The following PDCD1LG2 variants were observed in gnomAD, a reference collection of about 807,000 sequenced individuals.
The protein encoded by PDCD1LG2 is programmed cell death 1 ligand 2, also known as B7 dendritic cell molecule.
Under a neutral mutation model 28.2 loss-of-function variants are expected in PDCD1LG2, and 32 were observed. That is an observed-to-expected ratio of 1.13 (90% CI 0.86 to 1.52). PDCD1LG2 has a LOEUF of 1.52. Among genes scored for constraint, PDCD1LG2 ranks in the 40% most tolerant of loss-of-function variants. The probability of loss-of-function intolerance (pLI) is 0.00; values close to 1 mark genes in which losing one functional copy is unlikely to be tolerated. For missense variants in PDCD1LG2, 385 were observed against 323.8 expected (o/e 1.19, Z -1.45); for synonymous variants, 116 against 120.2 (o/e 0.97, Z 0.23).
At chr9:5,560,848 G>A (rs1261786423) in intron 5 of PDCD1LG2, among the ~76,000 whole-genome samples, 1 of 152,058 alleles carries the variant, frequency 6.6e-6, no homozygotes, top group African/African-American at 2.4e-5. Flanking sequence ...GCCATTATTG[G>A]TCCATAAAAG....
At chr9:5,537,967 T>A (rs1374671563) in intron 3 of PDCD1LG2, among the ~76,000 whole-genome samples, 1 of 152,178 alleles carries the variant, frequency 6.6e-6, no homozygotes, top group African/African-American at 2.4e-5. Context: ...TAGCTATAAA[T>A]ATTTTGTTGT....
chr9:5,568,381 C>G (rs1816707611), intron 6 of PDCD1LG2, among the ~76,000 whole-genome samples: 1 of 152,112 alleles, frequency 6.6e-6, no homozygotes, highest in Non-Finnish European at 1.5e-5. Context: ...CTCATAGAAG[C>G]GTGAATCCTA....
At chr9:5,540,775 A>T (rs1331495828) in intron 3 of PDCD1LG2, among the ~76,000 whole-genome samples, 1 of 152,218 alleles carries the variant, frequency 6.6e-6, no homozygotes. Context: ...GCTGAATTCT[A>T]TCAGACATTC....
chr9:5,529,737 G>T lies in PDCD1LG2; in HGVS notation c.56-5008G>T, dbSNP rs28452828. On this transcript the variant is annotated intron_variant, in intron 2 of 6. Transcript: ENST00000397747. ...CCATGGTGATGCCTGAGGTCATTCT[G>T]GGGCACAGACCTCAGCCTAGGTTAC... 7.8e-3 allele frequency among the ~76,000 whole-genome samples: 1,188 copies of T among 152,188 alleles called. 19 individuals are homozygous for T. Among genetic ancestry groups the T allele is most frequent in the African/African-American group, 0.027 (1,125 of 41,516 alleles).
intron 4 of PDCD1LG2, among the ~76,000 whole-genome samples, chr9:5,555,194 T>G (rs1816412989): frequency 1.3e-5 from 2 of 152,084 alleles, no homozygotes; most frequent in African/African-American, 4.8e-5. Context: ...ATGGGTGGAT[T>G]GCTTGAGGCC....
intron 2 of PDCD1LG2, among the ~76,000 whole-genome samples, chr9:5,522,890 A>G (rs1387174523): frequency 2.0e-5 from 3 of 152,134 alleles, no homozygotes; most frequent in Non-Finnish European, 4.4e-5. Context: ...GTAAATCTAA[A>G]CTGATACAAG....
intron 1 of PDCD1LG2, among the ~76,000 whole-genome samples, chr9:5,515,055 G>A (rs1446137028): frequency 2.6e-5 from 4 of 152,108 alleles, no homozygotes; most frequent in Admixed American, 6.5e-5. Context: ...TGATAATGAC[G>A]ATGAATGTGA....
chr9:5,532,172 G>A (rs1017452113), intron 2 of PDCD1LG2, among the ~76,000 whole-genome samples: 3 of 152,162 alleles, frequency 2.0e-5, no homozygotes, highest in African/African-American at 7.2e-5. Context: ...GGCACAGCAA[G>A]TGCAGATATG....
chr9:5,527,893 A>G (rs1820409090), intron 2 of PDCD1LG2, among the ~76,000 whole-genome samples: 1 of 151,934 alleles, frequency 6.6e-6, no homozygotes. Context: ...CAATGCCGTG[A>G]TCTTGGCTTA....
At position 5,569,967 on chromosome 9, in the gene PDCD1LG2, G is replaced by A. The variant is rs758335352; in HGVS notation, c.*8G>A. 1.9e-6 allele frequency: 3 copies of A among 1,613,908 alleles called. No individual in the cohort carries two copies. The highest frequency in any genetic ancestry group is 2.7e-5 in the African/African-American group (2 of 74,914). ...TTTTCTCCCCAGATCTGAACCTGTG[G>A]TCTTGGGAGCCAGGGTGACCTGATA... is the stretch of plus-strand genomic sequence containing the variant. On this transcript the variant is annotated 3_prime_UTR_variant, in exon 7 of 7. Transcript: ENST00000397747. This position sits in a 1 kb window ranked among gnomAD's most constrained non-coding sequence, Gnocchi z 4.1.
At chr9:5,516,145 G>T (rs112802536) in intron 1 of PDCD1LG2, among the ~76,000 whole-genome samples, 1 of 151,686 alleles carries the variant, frequency 6.6e-6, no homozygotes, top group Admixed American at 6.6e-5. Flanking sequence ...TCTGCCTCCC[G>T]GGTTCAAGCG....
Position 5,534,771 on chromosome 9 carries a change from G to T in PDCD1LG2, c.82G>T (p.Glu28Ter), listed in dbSNP as rs150821059. 1 of 1,612,420 alleles carries T rather than the reference G, an allele frequency of 6.2e-7. No homozygotes were observed. Among genetic ancestry groups the T allele is most frequent in the East Asian group, 2.2e-5 (1 of 44,840 alleles). The change falls in exon 3 of 7, where the codon GAA becomes TAA. Residue 28 changes from glutamate to a stop codon, truncating the protein, a stop_gained. Transcript: ENST00000397747. LOFTEE classifies it high-confidence loss of function. Reference protein sequence around the residue: ...AALFTVTVPKELYIIEHGSNV... With the variant: ...AALFTVTVPK ...TTTATTCACAGTGACAGTCCCTAAG[G>T]AACTGTACATAATAGAGCATGGCAG...
chr9:5,535,201 G>T, intron 3 of PDCD1LG2, 151 bp downstream of exon 3: 1 of 749,478 alleles, frequency 1.3e-6, no homozygotes, highest in Non-Finnish European at 2.1e-6. Context: ...GCATCTGCTC[G>T]GAAATAATTT....
intron 4 of PDCD1LG2, among the ~76,000 whole-genome samples, chr9:5,551,607 G>C (rs1816335132): frequency 6.6e-6 from 1 of 152,186 alleles, no homozygotes; most frequent in Admixed American, 6.5e-5. Context: ...TGCTGGGCTA[G>C]ACATGCATGT....
In PDCD1LG2 at chr9:5,569,238, G is replaced by A. The variant is rs62556131; in HGVS notation, c.817-716G>A. On this transcript the variant is annotated intron_variant, in intron 6 of 6. Transcript: ENST00000397747. This position sits in a 1 kb window ranked among gnomAD's most constrained non-coding sequence, Gnocchi z 4.1. ...AACTGAGGCAAGTTTAATTTATAAA[G>A]GTGTGTGCAGCATTAAGGGAAACCA... is the stretch of plus-strand genomic sequence containing the variant. Among the ~76,000 whole-genome samples, 3,669 of 152,274 alleles carry A rather than the reference G, an allele frequency of 0.024. 50 individuals are homozygous for A. Among genetic ancestry groups the A allele is most frequent in the Non-Finnish European group, 0.038 (2,575 of 68,018 alleles).
At chr9:5,522,441 A>G (rs1820293189) in intron 1 of PDCD1LG2, 92 bp from the exon 2 acceptor site, 2 of 949,748 alleles carry the variant, frequency 2.1e-6, no homozygotes, top group Non-Finnish European at 3.3e-6. Context: ...TCCCCAAATG[A>G]TTTGTTATTC....
intron 6 of PDCD1LG2, among the ~76,000 whole-genome samples, chr9:5,568,094 G>A (rs1414964728): frequency 2.0e-5 from 3 of 152,006 alleles, no homozygotes; most frequent in African/African-American, 4.8e-5. Flanking sequence ...TAAACCTTTC[G>A]CAAAGGAAAT....
chr9:5,550,868 A>G (rs570137377), intron 4 of PDCD1LG2, among the ~76,000 whole-genome samples: 2 of 151,968 alleles, frequency 1.3e-5, no homozygotes, highest in African/African-American at 4.8e-5. Flanking sequence ...TAATTTTTGT[A>G]TTTTTAGTAG....
At chr9:5,561,058 A>T (rs1422792814) in intron 5 of PDCD1LG2, among the ~76,000 whole-genome samples, 1 of 152,164 alleles carries the variant, frequency 6.6e-6, no homozygotes, top group Non-Finnish European at 1.5e-5. Context: ...TGTCTAAAAA[A>T]TTACCTGGCA....
Sources: allele counts gnomAD v4.1 joint callset (sites outside exome capture counted in the v4.1 genomes callset), GRCh38; gene constraint gnomAD v4.1.1; non-coding constraint Gnocchi (gnomAD v3.1); transcripts MANE v1.5; gene names NCBI Gene and HGNC (gene_info 2026-07-23, HGNC 2026-07-21).